Variants in TOM1L2 observed in about 807,000 individuals in gnomAD.
The protein encoded by TOM1L2 is TOM1-like protein 2.
A neutral mutation model predicts 67.9 loss-of-function variants in TOM1L2; 31 were observed. The observed-to-expected ratio is 0.46, with a 90% CI of 0.34 to 0.62. The LOEUF is 0.62. Among genes scored for constraint, TOM1L2 ranks in the 20% least tolerant of loss-of-function variants. TOM1L2 has a pLI of 0.01. For synonymous variants in TOM1L2, 256 were observed against 254.0 expected (o/e 1.01, Z -0.07); for missense variants, 606 against 663.5 (o/e 0.91, Z 0.95).
chr17:17,857,894 AG>A, intron 12 of TOM1L2: 1 of 1,500,976 alleles, frequency 6.7e-7, no homozygotes, highest in Non-Finnish European at 9.0e-7. Flanking sequence ...ATGAGAAAGA[AG>A]TCAATAGCAC....
intron 1 of TOM1L2, among the ~76,000 whole-genome samples, chr17:17,934,789 C>A (rs542055305): frequency 1.3e-5 from 2 of 152,166 alleles, no homozygotes; most frequent in Non-Finnish European, 2.9e-5. Context: ...GTATGCAGGG[C>A]ACGGTGACAA....
chr17:17,970,011 T>C (rs532699922), intron 1 of TOM1L2, among the ~76,000 whole-genome samples: 7 of 152,102 alleles, frequency 4.6e-5, no homozygotes, highest in African/African-American at 1.7e-4. Flanking sequence ...CCACTTGCTA[T>C]ATATCCCTAT....
In TOM1L2 at chr17:17,893,657, C is replaced by CT. The variant is rs368367418; in HGVS notation, c.366+3dup. 5.7e-5 allele frequency: 92 copies of CT among 1,612,970 alleles called. No homozygotes were observed. In the African/African-American group the frequency reaches 1.0e-3, roughly 18 times the overall value. ...CAACAAATTGGGCAAGGGGTCCAAC[C>CT]TACCTGGATCAGAGCAAGCACTTTG... is the stretch of plus-strand genomic sequence containing the variant. On this transcript the variant is annotated splice_donor_region_variant and intron_variant, in intron 4 of 14. Transcript: ENST00000379504.
In TOM1L2 at chr17:17,917,163, A is replaced by T. The variant is rs1023324531; in HGVS notation, c.53-9632T>A. On this transcript the variant is annotated intron_variant, in intron 1 of 14. Coordinates refer to ENST00000379504, the MANE Select transcript of TOM1L2 (RefSeq NM_001082968.2). ...AGACAGAGTGAAACTCCATCTAAAA[A>T]AATTAAAAAATTTAAAAAATTAGCT... is the stretch of plus-strand genomic sequence containing the variant. Among the ~76,000 whole-genome samples, 4 of 151,992 alleles carry T rather than the reference A, an allele frequency of 2.6e-5. No homozygotes were observed. The East Asian group carries it at 5.8e-4, about 22-fold the overall frequency.
rs190592513 is a variant in TOM1L2 at position 17,874,357 on chromosome 17, G to A, written c.778-4884C>T. On this transcript the variant is annotated intron_variant, in intron 7 of 14. Transcript: ENST00000379504. ...ACGATCTCAGCTCACTGCAACCTCCGCCTCCCAGGTTCAAGCAATTCTCCT... is the reference window on the plus strand; with the variant it reads ...ACGATCTCAGCTCACTGCAACCTCCACCTCCCAGGTTCAAGCAATTCTCCT... Among the ~76,000 whole-genome samples the A allele has an allele frequency of 2.7e-3, 409 of 151,850 alleles. 10 individuals carry two copies. The highest frequency in any genetic ancestry group is 3.8e-3 in the Non-Finnish European group (261 of 67,958).
At chr17:17,957,857 G>A (rs182598335) in intron 1 of TOM1L2, among the ~76,000 whole-genome samples, 8 of 151,746 alleles carry the variant, frequency 5.3e-5, no homozygotes, top group African/African-American at 1.9e-4. Flanking sequence ...ATCCCAGGCC[G>A]AGGTGGGCGG....
intron 1 of TOM1L2, among the ~76,000 whole-genome samples, chr17:17,972,011 C>A (rs1314517550): frequency 6.6e-6 from 1 of 151,258 alleles, no homozygotes; most frequent in African/African-American, 2.4e-5. Context: ...GCCCAACCCG[C>A]CCGTGAGGTG....
intron 1 of TOM1L2, among the ~76,000 whole-genome samples, chr17:17,908,595 A>T (rs1192101548): frequency 6.6e-6 from 1 of 152,258 alleles, no homozygotes; most frequent in Non-Finnish European, 1.5e-5. Context: ...ATAACAAAAA[A>T]ACCCAAACTA....
intron 1 of TOM1L2, among the ~76,000 whole-genome samples, chr17:17,943,895 CCTTTT>C (rs1450999641): frequency 2.0e-5 from 3 of 152,202 alleles, no homozygotes; most frequent in Non-Finnish European, 4.4e-5. Context: ...CATACAGGCC[CCTTTT>C]CTCCAATGTT....
intron 1 of TOM1L2, among the ~76,000 whole-genome samples, chr17:17,960,555 C>A (rs2041638192): frequency 6.6e-6 from 1 of 152,106 alleles, no homozygotes; most frequent in Admixed American, 6.6e-5. Flanking sequence ...CCAGACTGGT[C>A]TCGAACTCCT....
At chr17:17,872,078 G>A in intron 7 of TOM1L2, 2 of 984,140 alleles carry the variant, frequency 2.0e-6, no homozygotes, top group Non-Finnish European at 2.4e-6. Context: ...GGCAATAATG[G>A]CCACAGGCGC....
intron 13 of TOM1L2, 125 bp from the exon 14 acceptor site, chr17:17,848,984 A>G (rs1381813233): frequency 2.6e-6 from 2 of 779,004 alleles, no homozygotes; most frequent in African/African-American, 1.8e-5. Context: ...AAAACTTCCT[A>G]ATTTTCCCTG....
chr17:17,918,059 C>T (rs2039703983), intron 1 of TOM1L2, among the ~76,000 whole-genome samples: 1 of 152,066 alleles, frequency 6.6e-6, no homozygotes, highest in Non-Finnish European at 1.5e-5. Context: ...TTTCGGTGCA[C>T]AATTTTTTGC....
At chr17:17,866,539 A>G (rs1439795690) in intron 9 of TOM1L2, 120 bp from the exon 10 acceptor site, 23 of 1,325,788 alleles carry the variant, frequency 1.7e-5, no homozygotes, top group South Asian at 1.4e-4. Context: ...GCTCTAGTAC[A>G]GAAGCAAGGC....
chr17:17,970,021 T>C (rs971153283), intron 1 of TOM1L2, among the ~76,000 whole-genome samples: 4 of 152,062 alleles, frequency 2.6e-5, no homozygotes, highest in African/African-American at 9.7e-5. Context: ...TATATCCCTA[T>C]ATCTCTTATA....
intron 7 of TOM1L2, among the ~76,000 whole-genome samples, chr17:17,877,434 AG>A (rs1166835496): frequency 6.6e-6 from 1 of 152,102 alleles, no homozygotes; most frequent in African/African-American, 2.4e-5. Context: ...AGCTTGATGG[AG>A]GGTCCTGGGG....
intron 13 of TOM1L2, 149 bp from the exon 14 acceptor site, chr17:17,849,008 G>T: frequency 3.1e-6 from 2 of 651,530 alleles, no homozygotes; most frequent in South Asian, 3.8e-5. Context: ...CCAGATTTCT[G>T]TAATAGTAAA....
intron 1 of TOM1L2, among the ~76,000 whole-genome samples, chr17:17,931,999 C>T (rs528140882): frequency 1.3e-5 from 2 of 152,268 alleles, no homozygotes; most frequent in South Asian, 2.1e-4. Flanking sequence ...CTGACCAATG[C>T]CTTGATAAAC....
At chr17:17,950,602 C>T (rs937247049) in intron 1 of TOM1L2, among the ~76,000 whole-genome samples, 9 of 152,060 alleles carry the variant, frequency 5.9e-5, no homozygotes, top group Admixed American at 3.9e-4. Flanking sequence ...TGAGTCTTGG[C>T]GGGGAGCCTT....
Sources: gnomAD v4.1 joint callset for allele counts (sites outside exome capture counted in the v4.1 genomes callset) on GRCh38, gnomAD v4.1.1 for gene constraint, MANE v1.5 for transcripts, NCBI Gene and HGNC (gene_info 2026-07-23, HGNC 2026-07-21) for gene names.